The following RALYL variants were observed in gnomAD, a reference collection of about 807,000 sequenced individuals.
The protein encoded by RALYL is RNA-binding Raly-like protein.
In RALYL, 29 loss-of-function variants were observed where a neutral mutation model predicts 35.1. The observed-to-expected ratio is 0.83, with a 90% CI of 0.61 to 1.13. RALYL has a LOEUF of 1.13. Ranked by LOEUF, RALYL falls within the 50% of genes most tolerant of loss-of-function variation. The probability of loss-of-function intolerance (pLI) is 0.00; values close to 1 mark genes in which losing one functional copy is unlikely to be tolerated. For synonymous variants in RALYL, 120 were observed against 127.6 expected (o/e 0.94, Z 0.40); for missense variants, 359 against 360.4 (o/e 1.00, Z 0.03).
At chr8:84,291,936 A>T (rs917527953) in intron 1 of RALYL, among the ~76,000 whole-genome samples, 7 of 149,426 alleles carry the variant, frequency 4.7e-5, no homozygotes, top group Non-Finnish European at 8.9e-5. Context: ...ATATACAAAG[A>T]TTATATATAT....
chr8:84,736,857 T>C (rs973986712), intron 2 of RALYL, among the ~76,000 whole-genome samples: 11 of 152,190 alleles, frequency 7.2e-5, no homozygotes, highest in African/African-American at 2.6e-4. Context: ...ATGTTACCCC[T>C]TCACCTATTC....
chr8:84,744,320 G>C (rs1808101724), intron 2 of RALYL, among the ~76,000 whole-genome samples: 1 of 151,932 alleles, frequency 6.6e-6, no homozygotes, highest in Non-Finnish European at 1.5e-5. Context: ...TAGGTACAGG[G>C]AAGCAGTCTG....
chr8:84,747,193 T>C (rs1308498659), intron 2 of RALYL, among the ~76,000 whole-genome samples: 2 of 151,846 alleles, frequency 1.3e-5, no homozygotes, highest in African/African-American at 4.8e-5. Flanking sequence ...GCATGATTGT[T>C]TTCTCTTTTA....
At chr8:84,832,733 A>G (rs970099695) in intron 4 of RALYL, among the ~76,000 whole-genome samples, 1 of 152,126 alleles carries the variant, frequency 6.6e-6, no homozygotes, top group Non-Finnish European at 1.5e-5. Context: ...GAACTATATA[A>G]TGCTATAATG....
intron 2 of RALYL, among the ~76,000 whole-genome samples, chr8:84,730,078 C>T (rs1272806638): frequency 6.6e-6 from 1 of 152,034 alleles, no homozygotes; most frequent in Non-Finnish European, 1.5e-5. Flanking sequence ...GGAGACACAA[C>T]CAAAAAAGAG....
At chr8:84,812,702 T>C (rs1355160225) in intron 4 of RALYL, among the ~76,000 whole-genome samples, 1 of 152,072 alleles carries the variant, frequency 6.6e-6, no homozygotes, top group Non-Finnish European at 1.5e-5. Flanking sequence ...GGGAGAAAAC[T>C]GGCAGTCACA....
Position 84,562,647 on chromosome 8 carries a change from G to A in RALYL, c.256+33070G>A, listed in dbSNP as rs1057417641. Among the ~76,000 whole-genome samples, 6 of 146,148 alleles carry A rather than the reference G, an allele frequency of 4.1e-5. No homozygotes were observed. The South Asian group carries it at 1.3e-3, about 31-fold the overall frequency. On this transcript the variant is annotated intron_variant, in intron 2 of 8. Coordinates refer to ENST00000521268, the MANE Select transcript of RALYL (RefSeq NM_173848.7). ...ACTAATATAGCTACTTGCCACTTTT[G>A]CCTTTAAAAATCACTACTAACTAAC...
intron 6 of RALYL, among the ~76,000 whole-genome samples, chr8:84,872,017 A>G (rs369806903): frequency 2.0e-5 from 3 of 152,170 alleles, no homozygotes; most frequent in East Asian, 3.8e-4. Context: ...TTTCTGGGGA[A>G]TATCTAGTCT....
chr8:84,454,660 T>C (rs1242802007), intron 1 of RALYL, among the ~76,000 whole-genome samples: 1 of 152,080 alleles, frequency 6.6e-6, no homozygotes, highest in Admixed American at 6.6e-5. Flanking sequence ...CGCCTTCGCA[T>C]CTAGTTAAAA....
At chr8:84,189,475 A>G (rs1813335330) in intron 1 of RALYL, among the ~76,000 whole-genome samples, 1 of 152,178 alleles carries the variant, frequency 6.6e-6, no homozygotes, top group Non-Finnish European at 1.5e-5. Flanking sequence ...GGAGTAAGGA[A>G]CGGCTATTTT....
intron 2 of RALYL, among the ~76,000 whole-genome samples, chr8:84,657,137 G>A (rs879904456): frequency 6.6e-6 from 1 of 152,150 alleles, no homozygotes; most frequent in Non-Finnish European, 1.5e-5. Flanking sequence ...CTAGTGAATA[G>A]TAACAAATCC....
chr8:84,735,811 C>CGAGAGAGAGAGAGAGAGA (rs59842702), intron 2 of RALYL, among the ~76,000 whole-genome samples: 251 of 111,362 alleles, frequency 2.3e-3, no homozygotes, highest in Non-Finnish European at 3.9e-3. Context: ...ATCCAAACCG[C>CGAGAGAGAGAGAGAGAGA]GAGAGAGAGA....
intron 2 of RALYL, among the ~76,000 whole-genome samples, chr8:84,536,797 G>A (rs977551669): frequency 6.6e-6 from 1 of 152,114 alleles, no homozygotes; most frequent in African/African-American, 2.4e-5. Flanking sequence ...AACTTGATAG[G>A]TTAACAAAAC....
chr8:84,522,423 G>A (rs944364918), intron 1 of RALYL, among the ~76,000 whole-genome samples: 2 of 151,450 alleles, frequency 1.3e-5, no homozygotes. Flanking sequence ...CTAATTTTTT[G>A]TATTTTTAGT....
At chr8:84,337,693 ACTT>A (rs1475275059) in intron 1 of RALYL, among the ~76,000 whole-genome samples, 12 of 152,084 alleles carry the variant, frequency 7.9e-5, no homozygotes, top group East Asian at 1.9e-4. Context: ...GATGTGGAAT[ACTT>A]CTTCTGTGGT....
At chr8:84,641,122 ATC>A (rs1826217066) in intron 2 of RALYL, among the ~76,000 whole-genome samples, 2 of 151,354 alleles carry the variant, frequency 1.3e-5, no homozygotes, top group Non-Finnish European at 3.0e-5. Flanking sequence ...TAAAATTATT[ATC>A]TTTTCTTTAT....
chr8:84,218,799 A>T (rs1342577988), intron 1 of RALYL, among the ~76,000 whole-genome samples: 2 of 152,068 alleles, frequency 1.3e-5, no homozygotes, highest in Non-Finnish European at 2.9e-5. Flanking sequence ...TAACCCTTTA[A>T]AAAATTGTAC....
Position 84,851,589 on chromosome 8 carries a change from T to C in RALYL, c.413+1562T>C, listed in dbSNP as rs568869850. On this transcript the variant is annotated intron_variant, in intron 5 of 8. Transcript: ENST00000521268. ...ATAAAAATGCAAACTTAGAAAAAAT[T>C]TTTCAATAGATGTTTTAAAGAGGAA... 7.9e-5 allele frequency among the ~76,000 whole-genome samples: 12 copies of C among 151,998 alleles called. No individual in the cohort carries two copies. In the South Asian group the frequency reaches 1.0e-3, roughly 13 times the overall value.
At chr8:84,342,988 G>A (rs371731444) in intron 1 of RALYL, among the ~76,000 whole-genome samples, 6 of 151,992 alleles carry the variant, frequency 3.9e-5, no homozygotes, top group African/African-American at 1.4e-4. Flanking sequence ...ATGATACTTA[G>A]ACACTGACCA....
Sources: gnomAD v4.1 joint callset for allele counts (sites outside exome capture counted in the v4.1 genomes callset) on GRCh38, gnomAD v4.1.1 for gene constraint, MANE v1.5 for transcripts, NCBI Gene and HGNC (gene_info 2026-07-23, HGNC 2026-07-21) for gene names.